Variants in THRB observed in about 807,000 individuals in gnomAD.
The protein encoded by THRB is nuclear receptor subfamily 1 group A member 2.
A neutral mutation model predicts 47.8 loss-of-function variants in THRB; 12 were observed. The ratio of observed to expected loss-of-function variants is 0.25; its 90% CI spans 0.16 to 0.41. THRB has a LOEUF of 0.41. THRB is among the 10% of genes least tolerant of loss of function. The pLI, the probability that THRB is intolerant of heterozygous loss-of-function variation, is 1.00. For missense variants in THRB, 348 were observed against 589.2 expected, an observed-to-expected ratio of 0.59 and a Z score of 4.24; for synonymous variants, 218 against 212.2, an observed-to-expected ratio of 1.03 and a Z score of -0.24.
intron 2 of THRB, among the ~76,000 whole-genome samples, chr3:24,315,577 A>G (rs2058060590): frequency 6.6e-6 from 1 of 152,140 alleles, no homozygotes; most frequent in Non-Finnish European, 1.5e-5. Context: ...CCGGCCTTCT[A>G]TAGGAGCCAG....
intron 3 of THRB, among the ~76,000 whole-genome samples, chr3:24,258,163 G>C (rs1317377723): frequency 6.6e-6 from 1 of 152,174 alleles, no homozygotes; most frequent in South Asian, 2.1e-4. Context: ...AGGCACAGAG[G>C]CTGGGGCCTC....
chr3:24,378,719 A>C (rs999471125), intron 1 of THRB, among the ~76,000 whole-genome samples: 1 of 152,134 alleles, frequency 6.6e-6, no homozygotes, highest in Non-Finnish European at 1.5e-5. Flanking sequence ...TTCCAACTAA[A>C]AAGCTCATTA....
At chr3:24,394,504 G>A (rs754489266) in intron 1 of THRB, among the ~76,000 whole-genome samples, 27 of 152,074 alleles carry the variant, frequency 1.8e-4, no homozygotes, top group Non-Finnish European at 3.7e-4. Flanking sequence ...CATTGGGTAT[G>A]GATCATACAT....
chr3:24,445,924 T>C (rs1413886323), intron 1 of THRB, among the ~76,000 whole-genome samples: 1 of 152,180 alleles, frequency 6.6e-6, no homozygotes, highest in East Asian at 1.9e-4. Flanking sequence ...TTTAATGTCA[T>C]GAGAAAATTT....
At chr3:24,456,864 C>G (rs1034914116) in intron 1 of THRB, among the ~76,000 whole-genome samples, 1 of 151,882 alleles carries the variant, frequency 6.6e-6, no homozygotes, top group African/African-American at 2.4e-5. Context: ...AGTAAAGAGG[C>G]AAAGGTGGTG....
chr3:24,250,313 G>A (rs73148305), intron 3 of THRB, among the ~76,000 whole-genome samples: 1 of 152,124 alleles, frequency 6.6e-6, no homozygotes, highest in Non-Finnish European at 1.5e-5. Context: ...GCCTGTTGGT[G>A]CAATGTTTCA....
At chr3:24,285,472 A>G (rs1249892472) in intron 3 of THRB, among the ~76,000 whole-genome samples, 1 of 149,276 alleles carries the variant, frequency 6.7e-6, no homozygotes, top group Non-Finnish European at 1.5e-5. Context: ...TGGGAGATAT[A>G]CCTAATGCTA....
chr3:24,233,673 G>C (rs1199304708), intron 3 of THRB, among the ~76,000 whole-genome samples: 1 of 152,120 alleles, frequency 6.6e-6, no homozygotes, highest in Non-Finnish European at 1.5e-5. Flanking sequence ...TTTTAAGAAG[G>C]ATGTCTCATG....
At chr3:24,482,208 T>C in intron 1 of THRB, among the ~76,000 whole-genome samples, 1 of 152,328 alleles carries the variant, frequency 6.6e-6, no homozygotes, top group East Asian at 1.9e-4. Context: ...TCCGTAATAA[T>C]GAAATAGTAA....
intron 5 of THRB, among the ~76,000 whole-genome samples, chr3:24,161,248 C>CCTAA (rs1427158823): frequency 6.6e-6 from 1 of 152,166 alleles, no homozygotes; most frequent in African/African-American, 2.4e-5. Flanking sequence ...AATTTAAAAT[C>CCTAA]CTAACTTTCC....
At chr3:24,251,492 T>G (rs891050313) in intron 3 of THRB, among the ~76,000 whole-genome samples, 1 of 151,872 alleles carries the variant, frequency 6.6e-6, no homozygotes, top group East Asian at 1.9e-4. Context: ...TTCACAAAAT[T>G]AGGAAAAAGA....
rs185537160 is a variant in THRB, at chr3:24,284,525, A to G, written c.-43+12701T>C. ...CCATTCAGGACATAGGCATGGGGAA[A>G]GACTTCATGTCTAAAACACCAAAAG... On this transcript the variant is annotated intron_variant, in intron 3 of 10. Coordinates refer to ENST00000646209, the MANE Select transcript of THRB (RefSeq NM_001354712.2). 1.5e-3 allele frequency among the ~76,000 whole-genome samples: 222 copies of G among 152,118 alleles called. 1 individual carries two copies. The highest frequency in any genetic ancestry group is 5.2e-3 in the African/African-American group (215 of 41,344).
chr3:24,208,090 T>G (rs1334771227), intron 4 of THRB, among the ~76,000 whole-genome samples: 1 of 151,992 alleles, frequency 6.6e-6, no homozygotes, highest in Non-Finnish European at 1.5e-5. Context: ...TGAACCTTAA[T>G]TCACAATTGC....
At chr3:24,285,001 A>C (rs1420158224) in intron 3 of THRB, among the ~76,000 whole-genome samples, 1 of 152,128 alleles carries the variant, frequency 6.6e-6, no homozygotes. Context: ...AAACTAGTTC[A>C]ACCATTGTGG....
At chr3:24,392,728 C>T (rs766521180) in intron 1 of THRB, among the ~76,000 whole-genome samples, 1 of 152,084 alleles carries the variant, frequency 6.6e-6, no homozygotes, top group Non-Finnish European at 1.5e-5. Context: ...TTAGTCTTTA[C>T]ATAGTTATAG....
chr3:24,253,601 C>T (rs1326880130), intron 3 of THRB, among the ~76,000 whole-genome samples: 3 of 152,180 alleles, frequency 2.0e-5, no homozygotes, highest in Non-Finnish European at 4.4e-5. Context: ...GCAGCAGATA[C>T]TCTGCTCCAG....
At chr3:24,279,579 T>G (rs75845938) in intron 3 of THRB, among the ~76,000 whole-genome samples, 1 of 143,192 alleles carries the variant, frequency 7.0e-6, no homozygotes, top group East Asian at 2.1e-4. Context: ...TTTTTTTTAG[T>G]AGAGACGGGG....
intron 2 of THRB, among the ~76,000 whole-genome samples, chr3:24,323,739 T>C (rs990294860): frequency 6.6e-6 from 1 of 152,334 alleles, no homozygotes; most frequent in East Asian, 1.9e-4. Context: ...ATACCAGTTG[T>C]AGAAATTTAT....
intron 7 of THRB, among the ~76,000 whole-genome samples, chr3:24,146,142 T>C (rs566040291): frequency 6.6e-6 from 1 of 152,316 alleles, no homozygotes; most frequent in South Asian, 2.1e-4. Context: ...GGATGACTCA[T>C]GCAATAGCAC....
Sources: gnomAD v4.1 joint callset for allele counts (sites outside exome capture counted in the v4.1 genomes callset) on GRCh38, gnomAD v4.1.1 for gene constraint, MANE v1.5 for transcripts, NCBI Gene and HGNC (gene_info 2026-07-23, HGNC 2026-07-21) for gene names.